CDC14A: variants seen among roughly 807,000 people sequenced by gnomAD.
CDC14A encodes cell division cycle 14A, also known as dual specificity protein phosphatase CDC14A.
CDC14A carries 53 observed loss-of-function variants against 74.4 expected under a neutral mutation model. That is an observed-to-expected ratio of 0.71 (90% CI 0.57 to 0.89). CDC14A has a LOEUF of 0.89. Ranked by LOEUF, CDC14A falls within the 40% of genes least tolerant of loss-of-function variation. The pLI, the probability that CDC14A is intolerant of heterozygous loss-of-function variation, is 0.00. For missense variants in CDC14A, 646 were observed against 713.7 expected (o/e 0.91, Z 1.08); for synonymous variants, 247 against 258.4 (o/e 0.96, Z 0.43).
chr1:100,422,405 G>T (rs1662479324), intron 4 of CDC14A, among the ~76,000 whole-genome samples: 1 of 152,206 alleles, frequency 6.6e-6, no homozygotes, highest in South Asian at 2.1e-4. Context: ...TCTACAAGCA[G>T]CCCTCCCTTT....
At chr1:100,462,942 C>A in intron 9 of CDC14A, 61 bp downstream of exon 9, 1 of 1,267,892 alleles carries the variant, frequency 7.9e-7, no homozygotes, top group Non-Finnish European at 1.1e-6. Flanking sequence ...CAAGGAAGAG[C>A]AAATAACATA....
intron 2 of CDC14A, among the ~76,000 whole-genome samples, chr1:100,373,714 G>C (rs1345591506): frequency 1.3e-5 from 2 of 152,066 alleles, no homozygotes; most frequent in African/African-American, 4.8e-5. Flanking sequence ...TGGGTATTTT[G>C]TTTACATTTA....
chr1:100,462,629 T>C (rs750620967), intron 8 of CDC14A, 22 bp from the exon 9 acceptor site: 2 of 1,575,610 alleles, frequency 1.3e-6, no homozygotes, highest in Non-Finnish European at 1.7e-6. Flanking sequence ...GCCTTTTGCT[T>C]ACTGCTCCTT....
At chr1:100,377,495 A>C (rs1655437109) in intron 2 of CDC14A, 51 bp from the exon 3 acceptor site, 1 of 1,253,510 alleles carries the variant, frequency 8.0e-7, no homozygotes, top group Non-Finnish European at 1.2e-6. Context: ...GATGTTACTG[A>C]AAATTATACT....
intron 7 of CDC14A, among the ~76,000 whole-genome samples, chr1:100,443,335 TTTTA>T (rs1336551773): frequency 6.6e-6 from 1 of 152,190 alleles, no homozygotes; most frequent in South Asian, 2.1e-4. Flanking sequence ...AATTTGTACC[TTTTA>T]TTTATTTATT....
upstream of CDC14A, among the ~76,000 whole-genome samples, chr1:100,351,209 TA>T (rs113284769): frequency 2.7e-3 from 386 of 142,842 alleles, 1 homozygote; most frequent in Middle Eastern, 0.015. Flanking sequence ...AAACACACAT[TA>T]AAAAAAAAAA....
chr1:100,402,137 T>C (rs1373057690), intron 4 of CDC14A, among the ~76,000 whole-genome samples: 2 of 147,858 alleles, frequency 1.4e-5, no homozygotes, highest in South Asian at 2.1e-4. Flanking sequence ...GCATTCATTA[T>C]GAAAAAAAAA....
intron 7 of CDC14A, among the ~76,000 whole-genome samples, chr1:100,446,372 G>C (rs868294519): frequency 2.7e-4 from 41 of 152,300 alleles, no homozygotes; most frequent in African/African-American, 9.4e-4. Flanking sequence ...AATGCTTCTA[G>C]TGATGAGGTC....
intron 5 of CDC14A, among the ~76,000 whole-genome samples, chr1:100,437,885 T>C (rs1323443212): frequency 6.6e-6 from 1 of 152,154 alleles, no homozygotes; most frequent in Non-Finnish European, 1.5e-5. Flanking sequence ...TTTACTTTTT[T>C]TAAATATAAA....
chr1:100,442,906 G>A, intron 6 of CDC14A, 28 bp from the exon 7 acceptor site: 1 of 1,499,814 alleles, frequency 6.7e-7, no homozygotes, highest in Non-Finnish European at 9.3e-7. Context: ...ATTTAGCATG[G>A]AAAAACTAAT....
upstream of CDC14A, among the ~76,000 whole-genome samples, chr1:100,350,116 T>C (rs1255919946): frequency 6.6e-6 from 1 of 152,146 alleles, no homozygotes; most frequent in Non-Finnish European, 1.5e-5. Context: ...CATTCCTGGC[T>C]AATTTTTTTG....
intron 3 of CDC14A, among the ~76,000 whole-genome samples, chr1:100,385,367 T>C (rs994177123): frequency 3.3e-5 from 5 of 152,162 alleles, no homozygotes; most frequent in Non-Finnish European, 7.4e-5. Flanking sequence ...ATTCTGGAGG[T>C]GAGACCCAGC....
At chr1:100,499,842 A>G (rs1340972335) in intron 15 of CDC14A, among the ~76,000 whole-genome samples, 1 of 152,162 alleles carries the variant, frequency 6.6e-6, no homozygotes, top group African/African-American at 2.4e-5. Context: ...AGTGGAAGAT[A>G]TTTCTAAGAA....
intron 4 of CDC14A, among the ~76,000 whole-genome samples, chr1:100,412,272 A>G (rs547398461): frequency 1.5e-4 from 23 of 152,240 alleles, no homozygotes; most frequent in African/African-American, 5.5e-4. Flanking sequence ...TGCTCTGATT[A>G]CTTAACCTTT....
At chr1:100,491,878 C>CTTTTTTTTTTTT (rs1553196630) in intron 11 of CDC14A, among the ~76,000 whole-genome samples, 4 of 142,090 alleles carry the variant, frequency 2.8e-5, no homozygotes, top group African/African-American at 5.2e-5. Flanking sequence ...AGCCAGATAC[C>CTTTTTTTTTTTT]TTTTTTTGAG....
At chr1:100,454,429 T>C (rs1390086806) in intron 7 of CDC14A, among the ~76,000 whole-genome samples, 2 of 152,034 alleles carry the variant, frequency 1.3e-5, no homozygotes, top group African/African-American at 4.8e-5. Context: ...TGTGATGCAT[T>C]GCACAAATGC....
chr1:100,381,463 T>A lies in CDC14A; in HGVS notation c.216+3842T>A, dbSNP rs189383972. On this transcript the variant is annotated intron_variant, in intron 3 of 15. Coordinates refer to ENST00000336454, the MANE Select transcript of CDC14A (RefSeq NM_003672.4). Reference sequence around the variant, plus strand: ...CCCAGTTCTTTTAGGCACATTTCATTTTTTAGTTTGGAAATTTTTATTCCT... The same window carrying A: ...CCCAGTTCTTTTAGGCACATTTCATATTTTAGTTTGGAAATTTTTATTCCT... Among the ~76,000 whole-genome samples the A allele has an allele frequency of 9.2e-5, 14 of 152,292 alleles. No individual in the cohort carries two copies. The East Asian group carries it at 2.5e-3, about 27-fold the overall frequency.
rs1649444450 is a variant in CDC14A, at chr1:100,508,622, C to T, written c.1755+9360C>T. Among the ~76,000 whole-genome samples, 1 of 152,208 alleles carries T rather than the reference C, an allele frequency of 6.6e-6. No individual in the cohort carries two copies. The highest frequency in any genetic ancestry group is 2.1e-4 in the South Asian group (1 of 4,832). ...CAGGCTTCCATCTCTTGGTGAGCTCCTCCCAGGCTTTCTTCTCAGGCAGGG... is the reference window on the plus strand; with the variant it reads ...CAGGCTTCCATCTCTTGGTGAGCTCTTCCCAGGCTTTCTTCTCAGGCAGGG... On this transcript the variant is annotated intron_variant, in intron 15 of 15. Transcript: ENST00000336454. This position sits in a 1 kb window ranked among gnomAD's most constrained non-coding sequence, Gnocchi z 4.4.
intron 10 of CDC14A, among the ~76,000 whole-genome samples, chr1:100,481,359 A>T (rs1669456583): frequency 6.6e-6 from 1 of 152,102 alleles, no homozygotes; most frequent in African/African-American, 2.4e-5. Context: ...TGGAGATGGG[A>T]TTGGGCTGGG....
Sources: allele counts gnomAD v4.1 joint callset (sites outside exome capture counted in the v4.1 genomes callset), GRCh38; gene constraint gnomAD v4.1.1; non-coding constraint Gnocchi (gnomAD v3.1); transcripts MANE v1.5; gene names NCBI Gene and HGNC (gene_info 2026-07-23, HGNC 2026-07-21).